The following ASAH1 variants were observed in gnomAD, a reference collection of about 807,000 sequenced individuals.
The protein encoded by ASAH1 is N-acylsphingosine amidohydrolase 1, also known as acid ceramidase.
A neutral mutation model predicts 59.5 loss-of-function variants in ASAH1; 70 were observed. That is an observed-to-expected ratio of 1.18 (90% CI 0.97 to 1.43). ASAH1 has a LOEUF of 1.43. Among genes scored for constraint, ASAH1 ranks in the 40% most tolerant of loss-of-function variants. The probability of loss-of-function intolerance (pLI) is 0.00; values close to 1 mark genes in which losing one functional copy is unlikely to be tolerated. For missense variants in ASAH1, 660 were observed against 482.5 expected (o/e 1.37, Z -3.45); for synonymous variants, 213 against 166.5 (o/e 1.28, Z -2.15).
intron 2 of ASAH1, chr8:18,073,209 T>G (rs780791122): frequency 6.6e-7 from 1 of 1,507,956 alleles, no homozygotes; most frequent in East Asian, 2.3e-5. Flanking sequence ...ATTTCAGTAT[T>G]TAACTTGTGC....
intron 2 of ASAH1, among the ~76,000 whole-genome samples, chr8:18,075,256 G>T (rs1800354475): frequency 6.6e-6 from 1 of 152,140 alleles, no homozygotes; most frequent in South Asian, 2.1e-4. Flanking sequence ...GCCTCCCAAA[G>T]TGCTGGGATT....
chr8:18,084,193 C>A, upstream of ASAH1: 1 of 1,529,770 alleles, frequency 6.5e-7, no homozygotes, highest in South Asian at 1.2e-5. Context: ...GTAGGGGGAA[C>A]GCTCGGAGGA....
chr8:18,075,995 A>G (rs1800388031), intron 1 of ASAH1: 1 of 298,698 alleles, frequency 3.3e-6, no homozygotes, highest in African/African-American at 2.2e-5. Context: ...CTCCCAAACC[A>G]GATTTTCAGG....
At chr8:18,069,505 C>G (rs1279684977) in intron 4 of ASAH1, 1 of 325,092 alleles carries the variant, frequency 3.1e-6, no homozygotes, top group Non-Finnish European at 5.8e-6. Context: ...CAATAGTGAA[C>G]TCACTACATA....
At chr8:18,067,145 G>GACATACAGCACCTGTGCTC in intron 5 of ASAH1, 75 bp downstream of exon 5, 1 of 703,872 alleles carries the variant, frequency 1.4e-6, no homozygotes, top group Non-Finnish European at 2.2e-6. Flanking sequence ...TGTGCTGTAT[G>GACATACAGCACCTGTGCTC]TATATCACAC....
chr8:18,073,455 C>G (rs1800259253), intron 2 of ASAH1, among the ~76,000 whole-genome samples: 1 of 152,162 alleles, frequency 6.6e-6, no homozygotes. Flanking sequence ...CACCTGAACC[C>G]ACATGGCTAC....
chr8:18,075,392 TAAAC>T, intron 2 of ASAH1, 145 bp downstream of exon 2: 1 of 878,398 alleles, frequency 1.1e-6, no homozygotes, highest in Non-Finnish European at 1.9e-6. Context: ...AAATGCATAA[TAAAC>T]AAATCTGAGA....
In ASAH1 at chr8:18,061,746, A is replaced by G. The variant is rs745994638; in HGVS notation, c.649-6T>C. 15 of 1,567,454 alleles carry G rather than the reference A, an allele frequency of 9.6e-6. No homozygotes were observed. Among genetic ancestry groups the G allele is most frequent in the Non-Finnish European group, 1.3e-5 (15 of 1,154,476 alleles). Reference sequence around the variant, plus strand: ...AGTGTAAGACTGAACAGTCCCTGAGAAAAAGACAAAGCAACGAAGTCAGAA... The same window carrying G: ...AGTGTAAGACTGAACAGTCCCTGAGGAAAAGACAAAGCAACGAAGTCAGAA... On this transcript the variant is annotated splice_region_variant and splice_polypyrimidine_tract_variant and intron_variant, in intron 8 of 13. Transcript: ENST00000637790.
In ASAH1 at chr8:18,059,040, G is replaced by A. The variant is rs560104226; in HGVS notation, c.1042-149C>T. 9 of 752,948 alleles carry A rather than the reference G, an allele frequency of 1.2e-5. No homozygotes were observed. In the African/African-American group the frequency reaches 1.6e-4, roughly 13 times the overall value. The allele number at this position is 752,948 out of a possible 1,614,324, so 46.6% of individuals were successfully genotyped here. On this transcript the variant is annotated intron_variant, in intron 12 of 13. Transcript: ENST00000637790. ...GGAGTTTCTGTGGGAGTCACTGTTA[G>A]AAACACAGGTAACAGTTTTAATGGA...
chr8:18,072,133 G>A (rs1800200309), intron 2 of ASAH1, among the ~76,000 whole-genome samples: 1 of 152,144 alleles, frequency 6.6e-6, no homozygotes, highest in Admixed American at 6.5e-5. Flanking sequence ...GTTGCTATAG[G>A]AACATTATTT....
intron 1 of ASAH1, among the ~76,000 whole-genome samples, chr8:18,081,496 A>C (rs1357939935): frequency 1.3e-5 from 2 of 152,230 alleles, no homozygotes; most frequent in African/African-American, 4.8e-5. Context: ...ATCCTTAATA[A>C]GAGTCTACAG....
intron 2 of ASAH1, among the ~76,000 whole-genome samples, chr8:18,072,026 A>G (rs1323630374): frequency 6.6e-6 from 1 of 152,156 alleles, no homozygotes; most frequent in African/African-American, 2.4e-5. Flanking sequence ...CTACTCTTTA[A>G]CTTACGTGCA....
chr8:18,084,816 T>A, upstream of ASAH1: 1 of 1,612,736 alleles, frequency 6.2e-7, no homozygotes, highest in African/African-American at 1.3e-5. Context: ...CGGCTGTGTT[T>A]CCTCCTAACT....
intron 7 of ASAH1, 159 bp downstream of exon 7, chr8:18,063,023 CCAT>C (rs1588979914): frequency 3.0e-6 from 2 of 659,898 alleles, no homozygotes; most frequent in East Asian, 5.7e-5. Flanking sequence ...ATGCCCACCA[CCAT>C]GCCTGGCTAA....
intron 8 of ASAH1, 34 bp from the exon 9 acceptor site, chr8:18,061,774 A>T: frequency 1.3e-6 from 2 of 1,549,636 alleles, no homozygotes; most frequent in Non-Finnish European, 1.7e-6. Context: ...AGTCAGAAAC[A>T]TCAACCATGC....
At chr8:18,069,569 G>T (rs562445813) in intron 4 of ASAH1, 4 of 475,092 alleles carry the variant, frequency 8.4e-6, no homozygotes, top group East Asian at 7.6e-5. Flanking sequence ...GCCCAATGTC[G>T]TAATGTAGTC....
chr8:18,074,706 G>C (rs1394515688), intron 2 of ASAH1, among the ~76,000 whole-genome samples: 1 of 152,158 alleles, frequency 6.6e-6, no homozygotes, highest in Non-Finnish European at 1.5e-5. Flanking sequence ...GATTTGGAAA[G>C]ACCAAAATCT....
chr8:18,084,896 G>T, upstream of ASAH1: 1 of 1,524,566 alleles, frequency 6.6e-7, no homozygotes, highest in Non-Finnish European at 8.9e-7. Flanking sequence ...CTCGGCAGGG[G>T]GACTCGCTTG....
At chr8:18,061,025 T>G (rs1799672415) in intron 10 of ASAH1, 1 of 231,400 alleles carries the variant, frequency 4.3e-6, no homozygotes, top group African/African-American at 2.3e-5. Context: ...AGCGTGAGGA[T>G]TACAGGCATA....
Sources: allele counts gnomAD v4.1 joint callset (sites outside exome capture counted in the v4.1 genomes callset), GRCh38; gene constraint gnomAD v4.1.1; transcripts MANE v1.5; gene names NCBI Gene and HGNC (gene_info 2026-07-23, HGNC 2026-07-21).